AGBL2: variants seen among roughly 807,000 people sequenced by gnomAD.
The protein encoded by AGBL2 is AGBL carboxypeptidase 2.
In AGBL2, 87 loss-of-function variants were observed where a neutral mutation model predicts 103.0. The ratio of observed to expected loss-of-function variants is 0.84; its 90% CI spans 0.71 to 1.01. The LOEUF is 1.01. AGBL2 is among the 50% of genes least tolerant of loss of function. The pLI is 0.00. For missense variants in AGBL2, 904 were observed against 1,023.5 expected, an observed-to-expected ratio of 0.88 and a Z score of 1.59; for synonymous variants, 335 against 356.7, an observed-to-expected ratio of 0.94 and a Z score of 0.69.
In AGBL2 at chr11:47,698,168, A is replaced by ATTTTT. The variant is rs35161992; in HGVS notation, c.694+1273_694+1277dup. On this transcript the variant is annotated intron_variant, in intron 8 of 18. Coordinates refer to ENST00000525123, the MANE Select transcript of AGBL2 (RefSeq NM_024783.4). ...TGAGCCACCAAGCCCAGTCTACATA[A>ATTTTT]TTTTTTTTTTTTTTTTTTTTTTGAG... 5.9e-4 allele frequency among the ~76,000 whole-genome samples: 47 copies of ATTTTT among 79,802 alleles called. 1 individual carries two copies. Among genetic ancestry groups the ATTTTT allele is most frequent in the African/African-American group, 1.7e-3 (31 of 18,580 alleles). 52.4% of individuals were successfully genotyped at this position (79,802 alleles called of 152,430 possible). A position where few individuals can be genotyped will look rare whatever the true frequency, so the allele number is the denominator to read the frequency against.
In AGBL2 at chr11:47,692,113, C is replaced by T; in HGVS notation, c.838G>A (p.Ala280Thr). The change falls in exon 9 of 19, where the codon GCT becomes ACT. Residue 280 changes from alanine to threonine, a missense_variant. By Grantham distance (58) the Ala-to-Thr change is moderately conservative (BLOSUM62 0). Transcript: ENST00000525123. ...SRFESGNLQKAVRVDTYEYEL... is the reference protein window; with the variant it reads ...SRFESGNLQKTVRVDTYEYEL... ...GAAATTGTTACTCACACTCTGACAG[C>T]TTTTTGCAGATTCCCACTCTCAAAC... The T allele has an allele frequency of 3.7e-6, 6 of 1,611,712 alleles. No homozygotes were observed. The highest frequency in any genetic ancestry group is 5.1e-6 in the Non-Finnish European group (6 of 1,178,412).
At chr11:47,678,319 T>C (rs1191920812) in intron 13 of AGBL2, among the ~76,000 whole-genome samples, 6 of 135,304 alleles carry the variant, frequency 4.4e-5, no homozygotes, top group Admixed American at 1.5e-4. Flanking sequence ...TATTTTATTT[T>C]ATTTTATTTT....
chr11:47,713,386 G>A (rs1340732081), intron 3 of AGBL2, among the ~76,000 whole-genome samples: 3 of 146,600 alleles, frequency 2.0e-5, no homozygotes, highest in East Asian at 4.2e-4. Flanking sequence ...TTACCCAGGC[G>A]TGGTGGCTCG....
At chr11:47,710,679 G>A in intron 3 of AGBL2, 168 bp from the exon 4 acceptor site, 1 of 787,466 alleles carries the variant, frequency 1.3e-6, no homozygotes, top group South Asian at 1.5e-5. Context: ...TTATGTGAGT[G>A]AAGCATAATT....
chr11:47,713,598 A>AT (rs1189302272), intron 3 of AGBL2, among the ~76,000 whole-genome samples: 1 of 149,494 alleles, frequency 6.7e-6, no homozygotes, highest in South Asian at 2.1e-4. Context: ...TTATTTATTT[A>AT]TTTTTTTTGA....
At chr11:47,669,636 G>C (rs576159123) in intron 14 of AGBL2, among the ~76,000 whole-genome samples, 8 of 151,824 alleles carry the variant, frequency 5.3e-5, no homozygotes, top group Admixed American at 4.6e-4. Context: ...CCGAGATTGC[G>C]CCATTGCACT....
At chr11:47,682,380 A>C (rs1299219361) in intron 11 of AGBL2, among the ~76,000 whole-genome samples, 2 of 152,186 alleles carry the variant, frequency 1.3e-5, no homozygotes, top group Non-Finnish European at 1.5e-5. Flanking sequence ...TCCAAAGGGA[A>C]GAGAGTATAT....
chr11:47,660,470 TA>T, intron 18 of AGBL2, 124 bp from the exon 19 acceptor site: 2 of 840,338 alleles, frequency 2.4e-6, no homozygotes, highest in Non-Finnish European at 3.6e-6. Flanking sequence ...TCCCCAAATA[TA>T]AAAGTAGTTG....
chr11:47,709,580 A>G (rs1407114201), intron 4 of AGBL2, among the ~76,000 whole-genome samples: 1 of 151,990 alleles, frequency 6.6e-6, no homozygotes, highest in African/African-American at 2.4e-5. Context: ...TGTAAAAATC[A>G]ATGTATTACT....
intron 17 of AGBL2, among the ~76,000 whole-genome samples, chr11:47,663,480 T>C (rs1046082991): frequency 1.3e-5 from 2 of 152,062 alleles, no homozygotes; most frequent in Admixed American, 6.6e-5. Flanking sequence ...GACTTCAAAA[T>C]GTATGTATGC....
At chr11:47,671,561 A>T (rs759294710) in intron 14 of AGBL2, among the ~76,000 whole-genome samples, 1 of 151,922 alleles carries the variant, frequency 6.6e-6, no homozygotes, top group African/African-American at 2.4e-5. Context: ...AACAAAAAAC[A>T]CTTATTGGCA....
chr11:47,690,054 A>T (rs780426776), intron 10 of AGBL2, 22 bp downstream of exon 10: 1 of 1,580,606 alleles, frequency 6.3e-7, no homozygotes, highest in Non-Finnish European at 8.6e-7. Flanking sequence ...TCACAGAAAG[A>T]TCAACAGATA....
At chr11:47,688,765 A>C (rs904082384) in intron 10 of AGBL2, among the ~76,000 whole-genome samples, 1 of 152,064 alleles carries the variant, frequency 6.6e-6, no homozygotes, top group Non-Finnish European at 1.5e-5. Context: ...CTGACTCTGA[A>C]ACATATGCTC....
At chr11:47,708,753 G>A (rs1469510224) in intron 4 of AGBL2, among the ~76,000 whole-genome samples, 1 of 151,372 alleles carries the variant, frequency 6.6e-6, no homozygotes, top group Non-Finnish European at 1.5e-5. Flanking sequence ...GGCGGAGGTT[G>A]TAGTGAGCCG....
At chr11:47,680,942 G>A (rs990544070) in intron 12 of AGBL2, among the ~76,000 whole-genome samples, 2 of 152,084 alleles carry the variant, frequency 1.3e-5, no homozygotes, top group Non-Finnish European at 2.9e-5. Context: ...AATTACTGGG[G>A]TTTTTACTTC....
At chr11:47,702,737 G>T (rs1039314208) in intron 7 of AGBL2, among the ~76,000 whole-genome samples, 1 of 152,012 alleles carries the variant, frequency 6.6e-6, no homozygotes, top group Non-Finnish European at 1.5e-5. Flanking sequence ...AGCTGGGTGC[G>T]GTGGTGGGTG....
At chr11:47,699,240 T>G (rs1005807605) in intron 8 of AGBL2, among the ~76,000 whole-genome samples, 14 of 152,156 alleles carry the variant, frequency 9.2e-5, no homozygotes, top group Admixed American at 2.6e-4. Flanking sequence ...TTAGAACTAT[T>G]AAAAATAATG....
At position 47,692,129 on chromosome 11, in the gene AGBL2, A is replaced by G. The variant is rs764397494; in HGVS notation, c.822T>C (p.Ser274=). 8 of 1,611,586 alleles carry G rather than the reference A, an allele frequency of 5.0e-6. No individual in the cohort carries two copies. The highest frequency in any genetic ancestry group is 2.5e-6 in the Non-Finnish European group (3 of 1,178,546). The change falls in exon 9 of 19, where the codon AGT becomes AGC. Residue 274 remains serine (S), a synonymous_variant. Coordinates refer to ENST00000525123, the MANE Select transcript of AGBL2 (RefSeq NM_024783.4). ...NTLLFESRFE[S]GNLQKAVRVD... is the part of the protein sequence containing the mutation. Reference sequence around the variant, plus strand: ...CTCTGACAGCTTTTTGCAGATTCCCACTCTCAAACCTTGATTCAAACAGTA... The same window carrying G: ...CTCTGACAGCTTTTTGCAGATTCCCGCTCTCAAACCTTGATTCAAACAGTA...
chr11:47,673,540 G>A (rs1178066874), intron 14 of AGBL2, among the ~76,000 whole-genome samples: 3 of 151,778 alleles, frequency 2.0e-5, no homozygotes, highest in African/African-American at 7.3e-5. Context: ...CAGGAGAATC[G>A]CTTGAGCCCG....
Sources: allele counts gnomAD v4.1 joint callset (sites outside exome capture counted in the v4.1 genomes callset), GRCh38; gene constraint gnomAD v4.1.1; transcripts MANE v1.5; gene names NCBI Gene and HGNC (gene_info 2026-07-23, HGNC 2026-07-21).